GTPBP6: variants seen among roughly 807,000 people sequenced by gnomAD.
The protein encoded by GTPBP6 is putative GTP-binding protein 6.
GTPBP6 carries 33 observed loss-of-function variants against 28.9 expected under a neutral mutation model. The observed-to-expected ratio is 1.14, with a 90% CI of 0.87 to 1.53. The LOEUF is 1.53. Ranked by LOEUF, GTPBP6 falls within the 40% of genes most tolerant of loss-of-function variation. GTPBP6 has a pLI of 0.00. For synonymous variants in GTPBP6, 231 were observed against 192.7 expected, an observed-to-expected ratio of 1.20 and a Z score of -1.65; for missense variants, 507 against 408.3, an observed-to-expected ratio of 1.24 and a Z score of -2.08.
At chrX:306,903 C>T (rs1301680758) in intron 9 of GTPBP6, among the ~76,000 whole-genome samples, 1 of 84,132 alleles carries the variant, frequency 1.2e-5, no homozygotes, top group Non-Finnish European at 2.7e-5. Flanking sequence ...TGACTGTCAG[C>T]ACAGATTAGG....
In GTPBP6 at chrX:315,685, T is replaced by TACACACGCAGAC. The variant is rs1364461824; in HGVS notation, c.488-387_488-386insGTCTGCGTGTGT. Among the ~76,000 whole-genome samples, 2 of 2,320 alleles carry TACACACGCAGAC rather than the reference T, an allele frequency of 8.6e-4. 1 individual carries two copies. Among genetic ancestry groups the TACACACGCAGAC allele is most frequent in the Non-Finnish European group, 2.3e-3 (2 of 856 alleles). 1.5% of individuals were successfully genotyped at this position (2,320 alleles called of 152,430 possible). A position where few individuals can be genotyped will look rare whatever the true frequency, so the allele number is the denominator to read the frequency against. On this transcript the variant is annotated intron_variant, in intron 2 of 9. Transcript: ENST00000326153. Reference sequence around the variant, plus strand: ...ACATCCCGGCAGGGACACAAACACATACACACACACACACACACACAGTAA... The same window carrying TACACACGCAGAC: ...ACATCCCGGCAGGGACACAAACACATACACACGCAGACACACACACACACACACACACAGTAA...
At chrX:311,343 C>CAG (rs2070289811) in intron 7 of GTPBP6, 76 bp downstream of exon 7, 1 of 654,000 alleles carries the variant, frequency 1.5e-6, no homozygotes, top group East Asian at 4.3e-5. Context: ...CGACCCCTGG[C>CAG]TGTGTGTGTC....
intron 8 of GTPBP6, 21 bp downstream of exon 8, chrX:307,711 G>A (rs776820682): frequency 1.4e-5 from 20 of 1,463,006 alleles, no homozygotes; most frequent in Middle Eastern, 2.5e-4. Context: ...AGACGCTTGC[G>A]GACCCCAGGG....
chrX:312,725 A>C (rs1265043410), intron 6 of GTPBP6, 41 bp downstream of exon 6: 3 of 1,358,298 alleles, frequency 2.2e-6, no homozygotes, highest in Non-Finnish European at 3.0e-6. Context: ...CACCGGTGAC[A>C]CGGAGACCGC....
At position 307,885 on chromosome X, in the gene GTPBP6, G is replaced by T; in HGVS notation, c.1126-5C>A. On this transcript the variant is annotated splice_region_variant and splice_polypyrimidine_tract_variant and intron_variant, in intron 7 of 9. Coordinates refer to ENST00000326153, the Ensembl canonical transcript of GTPBP6. ...CCTCACGTGCAAGATGAGATCCTGTGGGCCGGGCCGTGGGGTCAGAGCTGC... is the reference window on the plus strand; with the variant it reads ...CCTCACGTGCAAGATGAGATCCTGTTGGCCGGGCCGTGGGGTCAGAGCTGC... 6.6e-7 allele frequency: 1 copy of T among 1,514,736 alleles called. No individual in the cohort carries two copies. The allele number at this position is 1,514,736 out of a possible 1,614,324, so 93.8% of individuals were successfully genotyped here.
At chrX:314,723 A>G (rs1234133976) in intron 4 of GTPBP6, among the ~76,000 whole-genome samples, 167 bp downstream of exon 4, 151,053 of 152,054 alleles carry the variant, frequency 0.99, 75,033 homozygotes, top group Non-Finnish European at 1. Flanking sequence ...TGATCCGCCC[A>G]CCTCGGCCTC....
chrX:316,534 G>A (rs7198558), intron 2 of GTPBP6, among the ~76,000 whole-genome samples: 1 of 152,126 alleles, frequency 6.6e-6, no homozygotes, highest in South Asian at 2.1e-4. Context: ...CGCAAGGATC[G>A]CATGCTGGAC....
chrX:306,690 C>T (rs984957982), intron 9 of GTPBP6, among the ~76,000 whole-genome samples: 2 of 145,344 alleles, frequency 1.4e-5, no homozygotes, highest in African/African-American at 5.2e-5. Context: ...TTTTGACTGT[C>T]AGTGCAGATT....
exon 9 of GTPBP6, chrX:307,501 G>A (rs368558765): frequency 1.5e-5 from 24 of 1,611,138 alleles, no homozygotes; most frequent in African/African-American, 1.3e-4. Flanking sequence ...GTTCGGTTCC[G>A]TGGGGCTGTA....
chrX:313,575 A>T (rs2070359123), intron 5 of GTPBP6, among the ~76,000 whole-genome samples: 1 of 152,184 alleles, frequency 6.6e-6, no homozygotes, highest in Non-Finnish European at 1.5e-5. Flanking sequence ...TTATTTGAAA[A>T]TAAGGTGTTT....
chrX:316,722 C>G lies in GTPBP6; in HGVS notation c.487+192G>C, dbSNP rs1222632425. 1.4e-4 allele frequency among the ~76,000 whole-genome samples: 22 copies of G among 152,196 alleles called. No homozygotes were observed. The East Asian group carries it at 4.1e-3, about 28-fold the overall frequency. On this transcript the variant is annotated intron_variant, in intron 2 of 9. Transcript: ENST00000326153. ...TCTCTCCAGGGCCCGGTGTGAATCT[C>G]GACACAGATAAAGCCTCACCGTCCT...
At chrX:307,928 A>G (rs2070207619) in intron 7 of GTPBP6, 48 bp from the exon 8 acceptor site, 3 of 1,426,344 alleles carry the variant, frequency 2.1e-6, no homozygotes, top group Non-Finnish European at 2.8e-6. Flanking sequence ...CTGGTCCCTG[A>G]CCCCAAGCTT....
chrX:312,932 A>G lies in GTPBP6; in HGVS notation c.758-8T>C, dbSNP rs190395529. The G allele has an allele frequency of 1.2e-6, 2 of 1,607,998 alleles. No individual in the cohort carries two copies. Among genetic ancestry groups the G allele is most frequent in the South Asian group, 2.2e-5 (2 of 90,786 alleles). On this transcript the variant is annotated splice_region_variant and splice_polypyrimidine_tract_variant and intron_variant, in intron 5 of 9. Coordinates refer to ENST00000326153, the Ensembl canonical transcript of GTPBP6. ...GCTGCATGAAGGATTCTCCTAAAAG[A>G]CACCCGAGATGGTGAGGCGGTGAGC... is the stretch of plus-strand genomic sequence containing the variant.
exon 10 of GTPBP6, chrX:305,089 C>G (rs1393942610): frequency 3.7e-6 from 6 of 1,613,190 alleles, no homozygotes; most frequent in Middle Eastern, 1.7e-4. Flanking sequence ...CTGGAAAGAG[C>G]TTCCGGAATT....
At chrX:317,181 C>A (rs1490966390) in intron 1 of GTPBP6, 130 bp from the exon 2 acceptor site, 11 of 397,870 alleles carry the variant, frequency 2.8e-5, no homozygotes, top group Admixed American at 8.8e-5. Flanking sequence ...GCCGTTTGTC[C>A]CCCGATATGA....
chrX:316,888 G>T, intron 2 of GTPBP6, 26 bp downstream of exon 2: 1 of 398,714 alleles, frequency 2.5e-6, no homozygotes, highest in Non-Finnish European at 4.4e-6. Flanking sequence ...GAGGTTTGGG[G>T]AAGGAGCAGG....
At chrX:307,940 CAG>C in intron 7 of GTPBP6, 60 bp from the exon 8 acceptor site, 1 of 1,392,508 alleles carries the variant, frequency 7.2e-7, no homozygotes, top group Non-Finnish European at 9.4e-7. Context: ...CCCAAGCTTG[CAG>C]ACAGGCCCAG....
chrX:307,726 A>G lies in GTPBP6; in HGVS notation c.1274+6T>C. On this transcript the variant is annotated splice_donor_region_variant and intron_variant, in intron 8 of 9. Transcript: ENST00000326153. ...AGACGCTTGCGGACCCCAGGGCCGG[A>G]CTCACCCGGGCACGAGGTCCACCTT... The G allele has an allele frequency of 6.8e-7, 1 of 1,471,728 alleles. No individual in the cohort carries two copies. Among genetic ancestry groups the G allele is most frequent in the East Asian group, 2.4e-5 (1 of 40,938 alleles). The allele number at this position is 1,471,728 out of a possible 1,614,324, so 91.2% of individuals were successfully genotyped here.
chrX:313,747 AG>A (rs2070364151), intron 5 of GTPBP6, among the ~76,000 whole-genome samples: 1 of 143,000 alleles, frequency 7.0e-6, no homozygotes, highest in Admixed American at 7.0e-5. Flanking sequence ...CCACAAACCC[AG>A]GGATGCCTGG....
Sources: allele counts gnomAD v4.1 joint callset (sites outside exome capture counted in the v4.1 genomes callset), GRCh38; gene constraint gnomAD v4.1.1; transcripts MANE v1.5; gene names NCBI Gene and HGNC (gene_info 2026-07-23, HGNC 2026-07-21).